Variants in PCSK5 observed in about 807,000 individuals in gnomAD.
The protein encoded by PCSK5 is proprotein convertase subtilisin/kexin type 5.
A neutral mutation model predicts 233.2 loss-of-function variants in PCSK5; 129 were observed. That is an observed-to-expected ratio of 0.55 (90% CI 0.48 to 0.64). The LOEUF is 0.64. PCSK5 is among the 30% of genes least tolerant of loss of function. The pLI, the probability that PCSK5 is intolerant of heterozygous loss-of-function variation, is 0.00. For missense variants in PCSK5, 2,076 were observed against 2,430.1 expected (o/e 0.85, Z 3.06); for synonymous variants, 825 against 879.2 (o/e 0.94, Z 1.09).
chr9:75,910,023 A>C (rs62559224), intron 1 of PCSK5, among the ~76,000 whole-genome samples: 1 of 152,254 alleles, frequency 6.6e-6, no homozygotes, highest in East Asian at 1.9e-4. Context: ...AGTCCTTGAG[A>C]GATGCGATGA....
chr9:76,162,135 C>T (rs1822888803), intron 12 of PCSK5, among the ~76,000 whole-genome samples: 1 of 152,164 alleles, frequency 6.6e-6, no homozygotes, highest in Non-Finnish European at 1.5e-5. Flanking sequence ...AATTATTGCT[C>T]TGAGCAGCTG....
chr9:75,967,601 T>A (rs762317424), intron 2 of PCSK5, among the ~76,000 whole-genome samples: 14 of 152,184 alleles, frequency 9.2e-5, no homozygotes, highest in Non-Finnish European at 1.5e-4. Flanking sequence ...TTTCATACAA[T>A]GCAGTTTAGT....
intron 3 of PCSK5, among the ~76,000 whole-genome samples, chr9:76,001,884 G>A (rs1241471691): frequency 6.6e-6 from 1 of 152,160 alleles, no homozygotes; most frequent in Non-Finnish European, 1.5e-5. Flanking sequence ...AAGGGAATGT[G>A]CAGTGAACAA....
intron 5 of PCSK5, among the ~76,000 whole-genome samples, chr9:76,049,382 A>G (rs1829542707): frequency 6.6e-6 from 1 of 152,248 alleles, no homozygotes; most frequent in Non-Finnish European, 1.5e-5. Flanking sequence ...TACTTCCATA[A>G]TGTTGATAGT....
chr9:75,935,032 A>G (rs1280227717), intron 2 of PCSK5, among the ~76,000 whole-genome samples: 1 of 152,074 alleles, frequency 6.6e-6, no homozygotes, highest in African/African-American at 2.4e-5. Context: ...TTAGTTGATC[A>G]TTCTTTCTGT....
Position 76,319,428 on chromosome 9 carries a change from A to G in PCSK5, c.3885-1994A>G, listed in dbSNP as rs187577711. Among the ~76,000 whole-genome samples the G allele has an allele frequency of 1.4e-3, 209 of 144,870 alleles. 3 individuals carry two copies. The highest frequency in any genetic ancestry group is 5.0e-3 in the African/African-American group (194 of 39,014). ...AATCATTATTAATCATTAGCTTTTAATATTACTCTTTGTTGCATTACTAAT... is the reference window on the plus strand; with the variant it reads ...AATCATTATTAATCATTAGCTTTTAGTATTACTCTTTGTTGCATTACTAAT... On this transcript the variant is annotated intron_variant, in intron 30 of 37. Coordinates refer to ENST00000674117, the MANE Select transcript of PCSK5 (RefSeq NM_001372043.1).
chr9:76,028,796 T>C (rs12350428), intron 5 of PCSK5, among the ~76,000 whole-genome samples: 11,776 of 152,156 alleles, frequency 0.077, 1,481 homozygotes, highest in African/African-American at 0.27. Flanking sequence ...AGAGGGCTAT[T>C]ATCAGTTTTG....
At chr9:75,974,617 C>T (rs1825937938) in intron 2 of PCSK5, among the ~76,000 whole-genome samples, 1 of 152,084 alleles carries the variant, frequency 6.6e-6, no homozygotes, top group Non-Finnish European at 1.5e-5. Context: ...GCAAAACACC[C>T]CTGCCCTTTC....
chr9:76,035,107 C>T (rs753353213), intron 5 of PCSK5, among the ~76,000 whole-genome samples: 6 of 152,104 alleles, frequency 3.9e-5, no homozygotes, highest in African/African-American at 7.2e-5. Flanking sequence ...TCAAGCCCCT[C>T]GAATAAATTC....
intron 9 of PCSK5, among the ~76,000 whole-genome samples, chr9:76,108,424 G>C (rs1013307759): frequency 1.3e-5 from 2 of 152,204 alleles, no homozygotes; most frequent in African/African-American, 4.8e-5. Context: ...TGACAGAGAA[G>C]GAATACAAGG....
chr9:76,202,660 T>C (rs1056496366), intron 20 of PCSK5, among the ~76,000 whole-genome samples: 4 of 152,154 alleles, frequency 2.6e-5, no homozygotes, highest in Non-Finnish European at 5.9e-5. Context: ...TTTAATGTTA[T>C]CTCACCCGAA....
chr9:76,192,779 T>C (rs547465032), intron 20 of PCSK5, among the ~76,000 whole-genome samples: 11 of 152,224 alleles, frequency 7.2e-5, no homozygotes, highest in Non-Finnish European at 1.5e-4. Context: ...AAATTCTAAT[T>C]GATAAGACAA....
At chr9:76,120,074 T>G (rs1168549364) in intron 9 of PCSK5, among the ~76,000 whole-genome samples, 4 of 152,084 alleles carry the variant, frequency 2.6e-5, no homozygotes, top group African/African-American at 9.7e-5. Context: ...GTTTTATTTT[T>G]CATCATTAAA....
At chr9:76,269,126 T>C (rs1026216891) in intron 24 of PCSK5, among the ~76,000 whole-genome samples, 8 of 152,202 alleles carry the variant, frequency 5.3e-5, no homozygotes, top group African/African-American at 1.7e-4. Context: ...CCCCAACCAA[T>C]TGCTGCATGC....
At chr9:75,934,287 C>T (rs1420442674) in intron 2 of PCSK5, among the ~76,000 whole-genome samples, 1 of 152,220 alleles carries the variant, frequency 6.6e-6, no homozygotes, top group African/African-American at 2.4e-5. Context: ...ATCGTTCCCA[C>T]CTAGCATTTA....
intron 2 of PCSK5, among the ~76,000 whole-genome samples, chr9:75,957,024 TC>T (rs1825124253): frequency 6.6e-6 from 1 of 152,072 alleles, no homozygotes; most frequent in East Asian, 1.9e-4. Context: ...GAGGGAAAAT[TC>T]ATAGAAGAGC....
intron 20 of PCSK5, among the ~76,000 whole-genome samples, chr9:76,208,539 C>T (rs1256282993): frequency 1.3e-5 from 2 of 152,120 alleles, no homozygotes; most frequent in East Asian, 1.9e-4. Context: ...TCATTGAGAC[C>T]TTTTATGATT....
At chr9:76,230,888 C>T (rs775027263) in intron 21 of PCSK5, among the ~76,000 whole-genome samples, 2 of 151,932 alleles carry the variant, frequency 1.3e-5, no homozygotes, top group Admixed American at 6.6e-5. Flanking sequence ...CGGTTAGTTG[C>T]ATAATTATTT....
chr9:75,974,946 C>G (rs1825953058), intron 2 of PCSK5, among the ~76,000 whole-genome samples: 1 of 152,182 alleles, frequency 6.6e-6, no homozygotes, highest in African/African-American at 2.4e-5. Flanking sequence ...TTACCCATCT[C>G]CCTTTGATTC....
Sources: allele counts gnomAD v4.1 joint callset (sites outside exome capture counted in the v4.1 genomes callset), GRCh38; gene constraint gnomAD v4.1.1; transcripts MANE v1.5; gene names NCBI Gene and HGNC (gene_info 2026-07-23, HGNC 2026-07-21).